EYS: variants seen among roughly 807,000 people sequenced by gnomAD.
EYS encodes EGF-like photoreceptor maintenance factor.
In EYS, 250 loss-of-function variants were observed where a neutral mutation model predicts 282.1. The observed-to-expected ratio is 0.89, with a 90% confidence interval of 0.80 to 0.98. EYS has a LOEUF of 0.98. Among genes scored for constraint, EYS ranks in the 50% least tolerant of loss-of-function variants. The pLI is 0.00. For synonymous variants in EYS, 1,355 were observed against 1,282.9 expected, an observed-to-expected ratio of 1.06 and a Z score of -1.20; for missense variants, 4,016 against 3,709.0, an observed-to-expected ratio of 1.08 and a Z score of -2.15.
At chr6:64,876,120 T>C (rs750366950) in intron 19 of EYS, among the ~76,000 whole-genome samples, 33 of 152,152 alleles carry the variant, frequency 2.2e-4, no homozygotes, top group Non-Finnish European at 3.7e-4. Context: ...TAAAGAACAA[T>C]TTTACTTTGT....
chr6:64,456,182 T>TTTG (rs1486788807), intron 26 of EYS, among the ~76,000 whole-genome samples: 1 of 152,114 alleles, frequency 6.6e-6, no homozygotes, highest in East Asian at 1.9e-4. Context: ...TCAAATTCCA[T>TTTG]GTCAAACAAC....
intron 26 of EYS, among the ~76,000 whole-genome samples, chr6:64,535,699 C>T (rs925584637): frequency 5.3e-5 from 8 of 151,580 alleles, no homozygotes; most frequent in Non-Finnish European, 1.2e-4. Flanking sequence ...TGATTGTGCC[C>T]GCTGCTCTTC....
chr6:64,868,858 A>G (rs1014254098), intron 19 of EYS, among the ~76,000 whole-genome samples: 5 of 151,578 alleles, frequency 3.3e-5, no homozygotes, highest in African/African-American at 4.8e-5. Flanking sequence ...CATTCTTTAC[A>G]TGATTACTAC....
chr6:64,809,987 AT>A (rs1382342497), intron 22 of EYS, among the ~76,000 whole-genome samples: 7 of 152,112 alleles, frequency 4.6e-5, no homozygotes, highest in Non-Finnish European at 8.8e-5. Context: ...AAATGTTGAA[AT>A]TTTTAAAAAA....
chr6:64,243,879 T>C (rs372402683), intron 30 of EYS, among the ~76,000 whole-genome samples: 1 of 152,206 alleles, frequency 6.6e-6, no homozygotes, highest in East Asian at 1.9e-4. Flanking sequence ...TCCCTATTGA[T>C]AAACATCATG....
intron 26 of EYS, among the ~76,000 whole-genome samples, chr6:64,563,561 A>G (rs755888837): frequency 6.6e-6 from 1 of 152,142 alleles, no homozygotes; most frequent in African/African-American, 2.4e-5. Context: ...CCAGATCCTG[A>G]TGTCTAAAAA....
chr6:65,059,325 TG>T (rs951301509), intron 12 of EYS, among the ~76,000 whole-genome samples: 1 of 152,040 alleles, frequency 6.6e-6, no homozygotes, highest in African/African-American at 2.4e-5. Context: ...ATTGTAACAA[TG>T]GTTGAGAGTT....
At chr6:65,605,224 T>C (rs560329350) in intron 2 of EYS, among the ~76,000 whole-genome samples, 1 of 151,936 alleles carries the variant, frequency 6.6e-6, no homozygotes, top group East Asian at 1.9e-4. Context: ...TATAATGCAA[T>C]TGAATACCAA....
intron 35 of EYS, among the ~76,000 whole-genome samples, chr6:63,915,969 G>T (rs1406921495): frequency 6.6e-6 from 1 of 152,190 alleles, no homozygotes; most frequent in Non-Finnish European, 1.5e-5. Context: ...TGACAACAAA[G>T]GATTCAGAGT....
chr6:63,864,079 T>C, intron 36 of EYS, 107 bp downstream of exon 36: 1 of 1,045,418 alleles, frequency 9.6e-7, no homozygotes, highest in South Asian at 2.8e-5. Flanking sequence ...AGAAGAAGAT[T>C]TGATGTATTT....
chr6:65,005,071 G>T (rs577408195), intron 13 of EYS, among the ~76,000 whole-genome samples: 8 of 147,604 alleles, frequency 5.4e-5, no homozygotes, highest in Non-Finnish European at 1.1e-4. Context: ...CACTCTTCTG[G>T]TCTATGTTTG....
chr6:64,350,184 A>T (rs1396278782), intron 29 of EYS, among the ~76,000 whole-genome samples: 1 of 151,526 alleles, frequency 6.6e-6, no homozygotes, highest in Non-Finnish European at 1.5e-5. Context: ...TATTCTTCAG[A>T]TCATCGTATT....
At chr6:64,804,490 T>G (rs551093493) in intron 22 of EYS, among the ~76,000 whole-genome samples, 9 of 152,186 alleles carry the variant, frequency 5.9e-5, no homozygotes, top group Admixed American at 1.3e-4. Flanking sequence ...CCAAACAAAC[T>G]ATCATAAATC....
chr6:65,427,747 G>T (rs1335670730), intron 5 of EYS, among the ~76,000 whole-genome samples: 1 of 151,834 alleles, frequency 6.6e-6, no homozygotes, highest in Non-Finnish European at 1.5e-5. Context: ...AATAAAAATT[G>T]CAAAAGAAAT....
At chr6:63,903,656 T>C (rs995905857) in intron 35 of EYS, among the ~76,000 whole-genome samples, 9 of 152,306 alleles carry the variant, frequency 5.9e-5, no homozygotes, top group African/African-American at 2.2e-4. Context: ...CTTACCAATT[T>C]ATGGTTTCTT....
chr6:64,192,037 G>A lies in EYS; in HGVS notation c.6424+38555C>T, dbSNP rs1309714025. ...ATTGCCATTCTAACTGGTGTGAGATGTTATCTCATTGTGGTTTTGATTTGC... is the reference window on the plus strand; with the variant it reads ...ATTGCCATTCTAACTGGTGTGAGATATTATCTCATTGTGGTTTTGATTTGC... On this transcript the variant is annotated intron_variant, in intron 31 of 42. Transcript: ENST00000503581. Among the ~76,000 whole-genome samples, 9 of 144,314 alleles carry A rather than the reference G, an allele frequency of 6.2e-5. No homozygotes were observed. In the East Asian group the frequency reaches 1.5e-3, roughly 24 times the overall value. The allele number at this position is 144,314 out of a possible 152,430, so 94.7% of individuals were successfully genotyped here.
At chr6:64,769,478 C>T (rs943813473) in intron 22 of EYS, among the ~76,000 whole-genome samples, 2 of 151,876 alleles carry the variant, frequency 1.3e-5, no homozygotes, top group Admixed American at 6.6e-5. Flanking sequence ...TTTCCCATTA[C>T]GCTATGTAAT....
chr6:64,327,252 CT>C (rs1290413059), intron 29 of EYS, among the ~76,000 whole-genome samples: 1 of 152,110 alleles, frequency 6.6e-6, no homozygotes, highest in African/African-American at 2.4e-5. Flanking sequence ...ATGCTCCTGG[CT>C]AAGCAGTGTT....
intron 22 of EYS, among the ~76,000 whole-genome samples, chr6:64,723,757 C>A (rs548210749): frequency 1.3e-5 from 2 of 152,194 alleles, no homozygotes; most frequent in South Asian, 2.1e-4. Flanking sequence ...GCCATTCCCT[C>A]ATTAGTCTGA....
Sources: allele counts gnomAD v4.1 joint callset (sites outside exome capture counted in the v4.1 genomes callset), GRCh38; gene constraint gnomAD v4.1.1; transcripts MANE v1.5; gene names NCBI Gene and HGNC (gene_info 2026-07-23, HGNC 2026-07-21).